Variants in LRP6 observed in about 807,000 individuals in gnomAD.
The protein encoded by LRP6 is LDL receptor related protein 6, also known as low-density lipoprotein receptor-related protein 6.
A neutral mutation model predicts 184.1 loss-of-function variants in LRP6; 43 were observed. That is an observed-to-expected ratio of 0.23 (90% CI 0.18 to 0.30). The LOEUF (loss-of-function observed/expected upper bound fraction) is 0.30. Ranked by LOEUF, LRP6 falls within the 10% of genes least tolerant of loss-of-function variation. The probability of loss-of-function intolerance (pLI) is 1.00; values close to 1 mark genes in which losing one functional copy is unlikely to be tolerated. For synonymous variants in LRP6, 719 were observed against 684.9 expected, an observed-to-expected ratio of 1.05 and a Z score of -0.78; for missense variants, 1,571 against 2,005.3, an observed-to-expected ratio of 0.78 and a Z score of 4.14.
intron 2 of LRP6, among the ~76,000 whole-genome samples, chr12:12,205,881 A>G (rs1377845965): frequency 1.3e-5 from 2 of 152,232 alleles, no homozygotes. Flanking sequence ...CAAGATTAAT[A>G]CAGGATAAAA....
At chr12:12,250,349 C>G (rs1159737813) in intron 1 of LRP6, among the ~76,000 whole-genome samples, 1 of 152,198 alleles carries the variant, frequency 6.6e-6, no homozygotes, top group African/African-American at 2.4e-5. Flanking sequence ...CCTGCCTACT[C>G]CATACTTCTC....
intron 1 of LRP6, among the ~76,000 whole-genome samples, chr12:12,261,507 C>G (rs1005102576): frequency 6.6e-6 from 1 of 151,798 alleles, no homozygotes; most frequent in East Asian, 1.9e-4. Flanking sequence ...ATTGTTTAGC[C>G]AAATGAGCAA....
Position 12,159,982 on chromosome 12 carries a change from A to C in LRP6, c.2280-18T>G. 6.5e-7 allele frequency: 1 copy of C among 1,548,240 alleles called. No individual in the cohort carries two copies. Among genetic ancestry groups the C allele is most frequent in the Non-Finnish European group, 8.8e-7 (1 of 1,133,680 alleles). On this transcript the variant is annotated intron_variant, in intron 10 of 22. Transcript: ENST00000261349. ...ACATAAATCTAAATTCAAAATAATA[A>C]ATATTTAACATTTCAATTTTTTATT...
At chr12:12,136,172 G>A (rs1158687598) in intron 16 of LRP6, among the ~76,000 whole-genome samples, 1 of 152,018 alleles carries the variant, frequency 6.6e-6, no homozygotes, top group Non-Finnish European at 1.5e-5. Context: ...GGGCGGCAGA[G>A]CAAGACTCCA....
intron 15 of LRP6, among the ~76,000 whole-genome samples, chr12:12,145,821 A>G (rs1949999553): frequency 6.6e-6 from 1 of 151,574 alleles, no homozygotes; most frequent in South Asian, 2.1e-4. Context: ...TAGTAGAGAC[A>G]GCATTTTGCC....
intron 17 of LRP6, among the ~76,000 whole-genome samples, chr12:12,133,860 G>C (rs1015830): frequency 2.8e-5 from 2 of 71,988 alleles, no homozygotes; most frequent in South Asian, 7.4e-4. Context: ...GGGGGGGGGG[G>C]GGAGGGTAAA....
chr12:12,238,857 A>G (rs796307389), intron 2 of LRP6, among the ~76,000 whole-genome samples: 76 of 152,310 alleles, frequency 5.0e-4, no homozygotes, highest in African/African-American at 1.8e-3. Flanking sequence ...ACCTAAAAAC[A>G]TGAAACTTAT....
At chr12:12,159,234 AG>A in intron 11 of LRP6, 79 bp from the exon 12 acceptor site, 2 of 1,065,854 alleles carry the variant, frequency 1.9e-6, no homozygotes, top group Admixed American at 2.1e-5. Context: ...GCTGGCAAAA[AG>A]AAAAAAAAAA....
intron 19 of LRP6, among the ~76,000 whole-genome samples, chr12:12,127,705 A>C (rs1211567854): frequency 5.9e-5 from 9 of 152,228 alleles, no homozygotes; most frequent in African/African-American, 2.2e-4. Context: ...TATTGAAATT[A>C]GAGCATTACT....
chr12:12,259,861 T>C (rs10743980), intron 1 of LRP6, among the ~76,000 whole-genome samples: 81,433 of 151,980 alleles, frequency 0.54, 22,778 homozygotes, highest in East Asian at 0.76. Flanking sequence ...AGTGAAAACA[T>C]GCAATGCAGA....
intron 1 of LRP6, 24 bp from the exon 2 acceptor site, chr12:12,244,679 G>T: frequency 6.2e-7 from 1 of 1,611,836 alleles, no homozygotes. Flanking sequence ...AGAAAAATAT[G>T]TAAGTGAAAA....
At chr12:12,230,773 T>C (rs1864762944) in intron 2 of LRP6, among the ~76,000 whole-genome samples, 1 of 152,206 alleles carries the variant, frequency 6.6e-6, no homozygotes, top group South Asian at 2.1e-4. Context: ...CTGGTGAATC[T>C]TTTTATTTGA....
chr12:12,184,047 C>T lies in LRP6; in HGVS notation c.909G>A (p.Lys303=). The change falls in exon 5 of 23, where the codon AAG becomes AAA. Residue 303 remains lysine, a synonymous_variant. Transcript: ENST00000261349. ...TGGGGCAAGCACACTGATAAAAAGGCTTGACTGGAGACATCAAACACAAAT... is the reference window on the plus strand; with the variant it reads ...TGGGGCAAGCACACTGATAAAAAGGTTTGACTGGAGACATCAAACACAAAT... The part of the protein sequence containing the change: ...CSHLCLMSPV[K]PFYQCACPTG... 6.2e-7 allele frequency: 1 copy of T among 1,613,642 alleles called. No homozygotes were observed. The highest frequency in any genetic ancestry group is 1.3e-5 in the African/African-American group (1 of 75,036).
At chr12:12,231,179 TCAAAAAAA>T (rs1482678186) in intron 2 of LRP6, among the ~76,000 whole-genome samples, 1 of 8,172 alleles carries the variant, frequency 1.2e-4, no homozygotes, top group African/African-American at 2.2e-4. Flanking sequence ...AGACTCCATC[TCAAAAAAA>T]AAAAAAAAAA....
At chr12:12,228,376 A>G (rs1040417169) in intron 2 of LRP6, among the ~76,000 whole-genome samples, 1 of 152,196 alleles carries the variant, frequency 6.6e-6, no homozygotes, top group African/African-American at 2.4e-5. Flanking sequence ...AAAAAAAAGA[A>G]AGAGAACCTA....
At chr12:12,224,525 A>T (rs991973559) in intron 2 of LRP6, among the ~76,000 whole-genome samples, 1 of 152,166 alleles carries the variant, frequency 6.6e-6, no homozygotes, top group Non-Finnish European at 1.5e-5. Context: ...AAAAATGTTA[A>T]ATTTATTTAT....
rs1399452071 is a variant in LRP6 at position 12,118,618 on chromosome 12, C to G, written c.*2508G>C. 1 of 152,078 alleles carries G rather than the reference C, an allele frequency of 6.6e-6. No homozygotes were observed. The highest frequency in any genetic ancestry group is 1.5e-5 in the Non-Finnish European group (1 of 68,006). 9.4% of individuals were successfully genotyped at this position (152,078 alleles called of 1,614,324 possible). A position where few individuals can be genotyped will look rare whatever the true frequency, so the allele number is the denominator to read the frequency against. ...CAGCTTGTGTTTGATAATCAATATACAGTTTACTTAAGCTTAACTGTCCAT... is the reference window on the plus strand; with the variant it reads ...CAGCTTGTGTTTGATAATCAATATAGAGTTTACTTAAGCTTAACTGTCCAT... On this transcript the variant is annotated 3_prime_UTR_variant, in exon 23 of 23. Coordinates refer to ENST00000261349, the MANE Select transcript of LRP6 (RefSeq NM_002336.3).
rs1461834415 is a variant in LRP6 at position 12,120,003 on chromosome 12, ATAT to A, written c.*1120_*1122del. ...ACAAACAAACAAAATATATATATAT[ATAT>A]ATATATATATATATATATATATATA... is the stretch of plus-strand genomic sequence containing the variant. On this transcript the variant is annotated 3_prime_UTR_variant, in exon 23 of 23. Transcript: ENST00000261349. 3 of 68,090 alleles carry A rather than the reference ATAT, an allele frequency of 4.4e-5. No homozygotes were observed. The highest frequency in any genetic ancestry group is 5.2e-4 in the East Asian group (1 of 1,940). 4.2% of individuals were successfully genotyped at this position (68,090 alleles called of 1,614,324 possible).
intron 2 of LRP6, among the ~76,000 whole-genome samples, chr12:12,235,595 T>C (rs1303631481): frequency 2.0e-5 from 3 of 151,906 alleles, no homozygotes; most frequent in East Asian, 1.9e-4. Flanking sequence ...CCAGGCATAG[T>C]GGCGCATGCC....
Sources: allele counts gnomAD v4.1 joint callset (sites outside exome capture counted in the v4.1 genomes callset), GRCh38; gene constraint gnomAD v4.1.1; transcripts MANE v1.5; gene names NCBI Gene and HGNC (gene_info 2026-07-23, HGNC 2026-07-21).